The following AK9 variants were observed in gnomAD, a reference collection of about 807,000 sequenced individuals.
AK9 encodes adenylate kinase domain containing 1.
Under a neutral mutation model 239.6 loss-of-function variants are expected in AK9, and 191 were observed. The observed-to-expected ratio is 0.80, with a 90% CI of 0.71 to 0.90. AK9 has a LOEUF of 0.90. Among genes scored for constraint, AK9 ranks in the 40% least tolerant of loss-of-function variants. The pLI, the probability that AK9 is intolerant of heterozygous loss-of-function variation, is 0.00. For synonymous variants in AK9, 689 were observed against 721.0 expected, an observed-to-expected ratio of 0.96 and a Z score of 0.71; for missense variants, 1,995 against 2,214.7, an observed-to-expected ratio of 0.90 and a Z score of 1.99.
intron 4 of AK9, 46 bp from the exon 5 acceptor site, chr6:109,672,061 T>C: frequency 6.2e-7 from 1 of 1,612,218 alleles, no homozygotes; most frequent in Non-Finnish European, 8.5e-7. Flanking sequence ...AATATATCTA[T>C]GATACAGAGC....
chr6:109,513,041 T>G (rs1047670433), intron 32 of AK9, among the ~76,000 whole-genome samples: 1 of 152,170 alleles, frequency 6.6e-6, no homozygotes, highest in Admixed American at 6.5e-5. Context: ...TGTTTTAATT[T>G]TTTTATGGAT....
At chr6:109,564,914 C>A in intron 21 of AK9, 69 bp from the exon 22 acceptor site, 2 of 1,205,306 alleles carry the variant, frequency 1.7e-6, no homozygotes, top group Admixed American at 2.8e-5. Context: ...AGTTTTGGCA[C>A]AAAGAACATT....
intron 38 of AK9, among the ~76,000 whole-genome samples, chr6:109,495,803 T>C (rs116731482): frequency 0.023 from 3,518 of 152,206 alleles, 136 homozygotes; most frequent in African/African-American, 0.078. Flanking sequence ...GCTACCCACT[T>C]GTTCTCTTCC....
intron 12 of AK9, among the ~76,000 whole-genome samples, chr6:109,631,318 A>G (rs1796066045): frequency 6.6e-6 from 1 of 152,176 alleles, no homozygotes; most frequent in Non-Finnish European, 1.5e-5. Context: ...TATATAGATA[A>G]TATTAGGAAC....
At position 109,618,429 on chromosome 6, in the gene AK9, G is replaced by GAAA. The variant is rs774118344; in HGVS notation, c.1399+660_1399+662dup. On this transcript the variant is annotated intron_variant, in intron 13 of 40. Coordinates refer to ENST00000424296, the MANE Select transcript of AK9 (RefSeq NM_001145128.3). ...CTCTCATTTTTCCTGGAGAAAAACA[G>GAAA]AAAAAAAAAAACAAAACGCTTTTTG... Among the ~76,000 whole-genome samples the GAAA allele has an allele frequency of 1.6e-3, 186 of 116,494 alleles. 1 individual carries two copies. Among genetic ancestry groups the GAAA allele is most frequent in the African/African-American group, 4.8e-3 (162 of 33,452 alleles). The allele number at this position is 116,494 out of a possible 152,430, so 76.4% of individuals were successfully genotyped here. A position where few individuals can be genotyped will look rare whatever the true frequency, so the allele number is the denominator to read the frequency against.
chr6:109,567,572 C>T (rs555864313), intron 21 of AK9, among the ~76,000 whole-genome samples: 68 of 151,860 alleles, frequency 4.5e-4, no homozygotes, highest in Non-Finnish European at 7.7e-4. Context: ...TCTGAGTTCA[C>T]GTCCTTTGTA....
At chr6:109,673,961 A>G (rs1057156014) in intron 3 of AK9, among the ~76,000 whole-genome samples, 4 of 151,224 alleles carry the variant, frequency 2.6e-5, no homozygotes, top group African/African-American at 7.3e-5. Flanking sequence ...AAGCAAGACC[A>G]TGTCTCTACA....
intron 29 of AK9, 56 bp downstream of exon 29, chr6:109,528,955 C>T (rs1459097726): frequency 3.1e-6 from 5 of 1,587,434 alleles, no homozygotes; most frequent in Non-Finnish European, 4.3e-6. Flanking sequence ...CCACTGTACC[C>T]TGCCCTGGGC....
chr6:109,635,050 A>T (rs1027697057), intron 10 of AK9, among the ~76,000 whole-genome samples: 4 of 152,220 alleles, frequency 2.6e-5, no homozygotes, highest in African/African-American at 9.6e-5. Context: ...TAAACAAAGC[A>T]GACTGAAAAC....
Position 109,610,441 on chromosome 6 carries a change from A to G in AK9, c.1766T>C (p.Ile589Thr). Reference sequence around the variant, plus strand: ...AAAGTTTATATCCTGTGACATTTTTATAGTCTCTTCAATCATGGTCACAAC... The same window carrying G: ...AAAGTTTATATCCTGTGACATTTTTGTAGTCTCTTCAATCATGGTCACAAC... ...PEVVTMIEET[I>T]KMSQDINFEQ... is the part of the protein sequence containing the mutation. The change falls in exon 17 of 41, where the codon ATA (isoleucine) becomes ACA (threonine). Residue 589 changes from isoleucine to threonine, a missense_variant. By Grantham distance (89) the Ile-to-Thr change is moderately conservative (BLOSUM62 -1). This residue lies in a region of AK9 where 1,290 missense variants were observed against 1,392.7 expected (regional missense o/e 0.93). Transcript: ENST00000424296. 2 of 1,551,452 alleles carry G rather than the reference A, an allele frequency of 1.3e-6. No individual in the cohort carries two copies. The highest frequency in any genetic ancestry group is 1.7e-6 in the Non-Finnish European group (2 of 1,146,806).
chr6:109,614,042 T>A (rs1267088346), intron 15 of AK9, 141 bp downstream of exon 15: 6 of 714,532 alleles, frequency 8.4e-6, no homozygotes, highest in Non-Finnish European at 1.4e-5. Context: ...TCAGGTTAAA[T>A]CCATAAGGAA....
At chr6:109,577,904 C>CTCTTTCTGTCTT (rs1554260368) in intron 20 of AK9, among the ~76,000 whole-genome samples, 39 of 137,220 alleles carry the variant, frequency 2.8e-4, no homozygotes, top group Admixed American at 3.6e-4. Flanking sequence ...CTCTCTTTCT[C>CTCTTTCTGTCTT]TCTTTCTTTC....
chr6:109,567,842 C>A (rs1786793619), intron 21 of AK9, among the ~76,000 whole-genome samples: 1 of 149,878 alleles, frequency 6.7e-6, no homozygotes. Flanking sequence ...TGTAACAAAC[C>A]TGCACATTGT....
chr6:109,540,408 C>T lies in AK9; in HGVS notation c.3350+1639G>A, dbSNP rs114181732. 7.5e-3 allele frequency among the ~76,000 whole-genome samples: 1,135 copies of T among 152,330 alleles called. 17 individuals are homozygous for T. Among genetic ancestry groups the T allele is most frequent in the African/African-American group, 0.026 (1,086 of 41,566 alleles). On this transcript the variant is annotated intron_variant, in intron 27 of 40. Transcript: ENST00000424296. ...GGTGTGGGACCCTCTGAGTCAGGCA[C>T]AGGATACAATCTCCTGGTGTGCTGT...
chr6:109,684,831 G>A (rs531178846), intron 1 of AK9, among the ~76,000 whole-genome samples: 4 of 113,262 alleles, frequency 3.5e-5, no homozygotes, highest in South Asian at 3.2e-4. Context: ...CCGAGATCCC[G>A]CCACTGCACT....
intron 37 of AK9, 32 bp from the exon 38 acceptor site, chr6:109,497,595 A>G (rs1049485618): frequency 3.4e-6 from 5 of 1,461,882 alleles, no homozygotes; most frequent in Admixed American, 3.8e-5. Flanking sequence ...CAAAACCTCT[A>G]TTGTATAATT....
chr6:109,585,958 T>C lies in AK9; in HGVS notation c.1957A>G (p.Ile653Val), dbSNP rs1789455364. 1.3e-6 allele frequency: 2 copies of C among 1,551,070 alleles called. No homozygotes were observed. Among genetic ancestry groups the C allele is most frequent in the Non-Finnish European group, 1.7e-6 (2 of 1,146,674 alleles). ...GATAAATAGATGACCAAATCAGGTATAATTCCTTTCTTGATTAAGGCCATC... is the reference window on the plus strand; with the variant it reads ...GATAAATAGATGACCAAATCAGGTACAATTCCTTTCTTGATTAAGGCCATC... ...LWMALIKKGI[I>V]PDLVIYLSDT... is the part of the protein sequence containing the mutation. The change falls in exon 18 of 41, where the codon ATA becomes GTA. Residue 653 changes from isoleucine to valine, a missense_variant. Ile to Val is a conservative substitution (Grantham distance 29). This residue lies in a region of AK9 where 1,290 missense variants were observed against 1,392.7 expected (regional missense o/e 0.93). Transcript: ENST00000424296.
intron 12 of AK9, chr6:109,632,704 G>A: frequency 8.8e-7 from 1 of 1,138,634 alleles, no homozygotes; most frequent in South Asian, 2.1e-5. Context: ...GAAGCAGGGA[G>A]GGACTCTGGT....
intron 17 of AK9, among the ~76,000 whole-genome samples, chr6:109,586,862 A>T (rs996913173): frequency 2.6e-5 from 4 of 152,200 alleles, no homozygotes; most frequent in Non-Finnish European, 4.4e-5. Flanking sequence ...AGAGCTTCAA[A>T]CAAGTTTGTG....
Sources: gnomAD v4.1 joint callset for allele counts (sites outside exome capture counted in the v4.1 genomes callset) on GRCh38, gnomAD v4.1.1 for gene constraint, gnomAD v4.1.1 regional missense constraint, MANE v1.5 for transcripts, NCBI Gene and HGNC (gene_info 2026-07-23, HGNC 2026-07-21) for gene names.